Variants in ORAI2 observed in about 807,000 individuals in gnomAD.
ORAI2 encodes the protein protein orai-2.
Under a neutral mutation model 16.2 loss-of-function variants are expected in ORAI2, and 10 were observed. That is an observed-to-expected ratio of 0.62 (90% CI 0.38 to 1.04). The LOEUF is 1.04. Ranked by LOEUF, ORAI2 falls within the 50% of genes least tolerant of loss-of-function variation. ORAI2 has a pLI of 0.01. For missense variants in ORAI2, 238 were observed against 355.5 expected (o/e 0.67, Z 2.66); for synonymous variants, 150 against 157.5 (o/e 0.95, Z 0.35).
rs578141232 is a variant in ORAI2, at chr7:102,452,651, A to G, written c.*5599A>G. On this transcript the variant is annotated 3_prime_UTR_variant, in exon 4 of 4. Coordinates refer to ENST00000495936, the MANE Select transcript of ORAI2 (RefSeq NM_001126340.3). Reference sequence around the variant, plus strand: ...GAGATGGGATCTTGCTATGTTGCCCAGTCTGGTCTTGAACTTCTGGCCTCA... The same window carrying G: ...GAGATGGGATCTTGCTATGTTGCCCGGTCTGGTCTTGAACTTCTGGCCTCA... 6.6e-6 allele frequency: 1 copy of G among 150,534 alleles called. No homozygotes were observed. The highest frequency in any genetic ancestry group is 2.5e-5 in the African/African-American group (1 of 40,740). 9.3% of individuals were successfully genotyped at this position (150,534 alleles called of 1,614,324 possible). A position where few individuals can be genotyped will look rare whatever the true frequency, so the allele number is the denominator to read the frequency against.
In ORAI2 at chr7:102,455,498, C is replaced by G. The variant is rs1468208579; in HGVS notation, c.*8446C>G. The G allele has an allele frequency of 6.6e-6, 1 of 152,328 alleles. No individual in the cohort carries two copies. The highest frequency in any genetic ancestry group is 1.5e-5 in the Non-Finnish European group (1 of 68,142). The allele number at this position is 152,328 out of a possible 1,614,324, so 9.4% of individuals were successfully genotyped here. On this transcript the variant is annotated 3_prime_UTR_variant, in exon 4 of 4. Coordinates refer to ENST00000495936, the MANE Select transcript of ORAI2 (RefSeq NM_001126340.3). ...GAGATTTCTTTGCTCCACAGCATCCCCAAGCCTCACGAGGCCTCTCCCCTC... is the reference window on the plus strand; with the variant it reads ...GAGATTTCTTTGCTCCACAGCATCCGCAAGCCTCACGAGGCCTCTCCCCTC...
chr7:102,445,883 CTCTT>C (rs796929507), intron 3 of ORAI2, among the ~76,000 whole-genome samples: 2 of 134,672 alleles, frequency 1.5e-5, no homozygotes, highest in African/African-American at 2.8e-5. Context: ...TTCTTTCTCT[CTCTT>C]TCTTTCTCTC....
At chr7:102,438,604 G>A (rs892057606) in intron 2 of ORAI2, among the ~76,000 whole-genome samples, 11 of 152,030 alleles carry the variant, frequency 7.2e-5, no homozygotes, top group African/African-American at 2.4e-4. Flanking sequence ...ATGAAACCCC[G>A]TCTCTACTAA....
In ORAI2 at chr7:102,451,191, A is replaced by C. The variant is rs1586721639; in HGVS notation, c.*4139A>C. ...ACTCCAGCCTGGGTAACAGAGCAAG[A>C]CTCTGTCTCAAAAAAAAAAAAAAAA... On this transcript the variant is annotated 3_prime_UTR_variant, in exon 4 of 4. Transcript: ENST00000495936. The C allele has an allele frequency of 9.6e-6, 1 of 103,858 alleles. No individual in the cohort carries two copies. Among genetic ancestry groups the C allele is most frequent in the East Asian group, 2.8e-4 (1 of 3,618 alleles). The allele number at this position is 103,858 out of a possible 1,614,324, so 6.4% of individuals were successfully genotyped here.
chr7:102,434,660 G>A (rs1011289720), intron 1 of ORAI2: 12 of 152,588 alleles, frequency 7.9e-5, no homozygotes, highest in African/African-American at 2.9e-4. Context: ...TCCCTGGGTT[G>A]AACTGTGGTC....
At chr7:102,443,102 TTCTTCTTCTTC>T (rs1408327585) in intron 3 of ORAI2, among the ~76,000 whole-genome samples, 76 of 112,384 alleles carry the variant, frequency 6.8e-4, no homozygotes, top group African/African-American at 2.8e-3. Flanking sequence ...CTTCTTCTTC[TTCTTCTTCTTC>T]TTCTTCTTCT....
chr7:102,439,846 G>A (rs1001762639), intron 3 of ORAI2, among the ~76,000 whole-genome samples: 6 of 151,928 alleles, frequency 3.9e-5, no homozygotes, highest in African/African-American at 9.7e-5. Context: ...TTGGGAGGCC[G>A]AGGTGAGTGG....
chr7:102,456,762 G>C lies in ORAI2; in HGVS notation c.*9710G>C, dbSNP rs1344783699. ...ACACATTCCCCAAATGAAGGGACTG[G>C]ACAGTGAGATATCGGGAAACCCCAT... On this transcript the variant is annotated 3_prime_UTR_variant, in exon 4 of 4. Coordinates refer to ENST00000495936, the MANE Select transcript of ORAI2 (RefSeq NM_001126340.3). The C allele has an allele frequency of 3.9e-5, 6 of 151,994 alleles. No homozygotes were observed. The highest frequency in any genetic ancestry group is 7.3e-5 in the Non-Finnish European group (5 of 68,084). The allele number at this position is 151,994 out of a possible 1,614,324, so 9.4% of individuals were successfully genotyped here.
chr7:102,446,394 C>T (rs1797362666), intron 3 of ORAI2, 119 bp from the exon 4 acceptor site: 1 of 1,056,200 alleles, frequency 9.5e-7, no homozygotes, highest in Admixed American at 2.8e-5. Flanking sequence ...AGCAGGCAAG[C>T]CCATGGCTAC....
chr7:102,443,741 C>G (rs1183997045), intron 3 of ORAI2, among the ~76,000 whole-genome samples: 1 of 152,142 alleles, frequency 6.6e-6, no homozygotes, highest in Non-Finnish European at 1.5e-5. Flanking sequence ...TAGTCTCGCT[C>G]TGTCTCCCAG....
At chr7:102,446,095 C>A (rs930463328) in intron 3 of ORAI2, among the ~76,000 whole-genome samples, 1 of 151,910 alleles carries the variant, frequency 6.6e-6, no homozygotes, top group Non-Finnish European at 1.5e-5. Context: ...ATTACAGGTG[C>A]CTGCCACCAC....
In ORAI2 at chr7:102,447,869, G is replaced by A. The variant is rs987051039; in HGVS notation, c.*817G>A. ...CACACGGACTCAGAGGGGCCACCGG[G>A]GTGGGGAAAGGACCCCTCCCCCACC... On this transcript the variant is annotated 3_prime_UTR_variant, in exon 4 of 4. Transcript: ENST00000495936. 1.3e-5 allele frequency: 2 copies of A among 152,442 alleles called. No homozygotes were observed. The highest frequency in any genetic ancestry group is 2.9e-5 in the Non-Finnish European group (2 of 68,230). The allele number at this position is 152,442 out of a possible 1,614,324, so 9.4% of individuals were successfully genotyped here. A position where few individuals can be genotyped will look rare whatever the true frequency, so the allele number is the denominator to read the frequency against.
intron 2 of ORAI2, among the ~76,000 whole-genome samples, chr7:102,438,509 G>A (rs1050269341): frequency 2.0e-5 from 3 of 151,202 alleles, no homozygotes; most frequent in Admixed American, 6.6e-5. Context: ...GCGCAGTGGC[G>A]CATACCTATA....
At chr7:102,443,120 TTCTTCTTCTTC>T (rs1435707948) in intron 3 of ORAI2, among the ~76,000 whole-genome samples, 15 of 88,096 alleles carry the variant, frequency 1.7e-4, no homozygotes, top group Admixed American at 1.3e-4. Context: ...CTTCTTCTTC[TTCTTCTTCTTC>T]TTTTTTTTTT....
rs1162337814 is a variant in ORAI2 at position 102,447,422 on chromosome 7, G to T, written c.*370G>T. The T allele has an allele frequency of 8.3e-6, 2 of 241,966 alleles. No individual in the cohort carries two copies. Among genetic ancestry groups the T allele is most frequent in the Non-Finnish European group, 1.6e-5 (2 of 124,732 alleles). The allele number at this position is 241,966 out of a possible 1,614,324, so 15.0% of individuals were successfully genotyped here. ...CGGCATGCGTGGCTGGCAGACCTGG[G>T]AGAGCCAGGGCAGGGTTTTGCGTTC... On this transcript the variant is annotated 3_prime_UTR_variant, in exon 4 of 4. Coordinates refer to ENST00000495936, the MANE Select transcript of ORAI2 (RefSeq NM_001126340.3).
chr7:102,444,316 G>C (rs969364494), intron 3 of ORAI2, among the ~76,000 whole-genome samples: 1 of 151,652 alleles, frequency 6.6e-6, no homozygotes, highest in Non-Finnish European at 1.5e-5. Flanking sequence ...GCAGTGGCAT[G>C]ATCTCAGCTC....
intron 2 of ORAI2, among the ~76,000 whole-genome samples, chr7:102,437,262 G>T (rs753573070): frequency 6.6e-6 from 1 of 152,164 alleles, no homozygotes; most frequent in African/African-American, 2.4e-5. Context: ...TTGTAGCTTG[G>T]ATGTGGCTTT....
intron 3 of ORAI2, among the ~76,000 whole-genome samples, chr7:102,439,448 G>A (rs1797141246): frequency 6.6e-6 from 1 of 152,196 alleles, no homozygotes; most frequent in African/African-American, 2.4e-5. Flanking sequence ...GCTTAGCAAG[G>A]AGGGAGGTTG....
rs1232204315 is a variant in ORAI2, at chr7:102,438,846, GT to G, written c.-13-97del. 17 of 1,129,480 alleles carry G rather than the reference GT, an allele frequency of 1.5e-5. No homozygotes were observed. In the African/African-American group the frequency reaches 2.4e-4, roughly 16 times the overall value. 70.0% of individuals were successfully genotyped at this position (1,129,480 alleles called of 1,614,324 possible). A position where few individuals can be genotyped will look rare whatever the true frequency, so the allele number is the denominator to read the frequency against. On this transcript the variant is annotated intron_variant, in intron 2 of 3. Coordinates refer to ENST00000495936, the MANE Select transcript of ORAI2 (RefSeq NM_001126340.3). ...AAACCCCTGGGCTCTGGCGTGGGCTGTATATGGCAGCCTCTGTAGGTTGAAT... is the reference window on the plus strand; with the variant it reads ...AAACCCCTGGGCTCTGGCGTGGGCTGATATGGCAGCCTCTGTAGGTTGAAT...
Sources: allele counts gnomAD v4.1 joint callset (sites outside exome capture counted in the v4.1 genomes callset), GRCh38; gene constraint gnomAD v4.1.1; transcripts MANE v1.5; gene names NCBI Gene and HGNC (gene_info 2026-07-23, HGNC 2026-07-21).